The following PPP1R9A variants were observed in gnomAD, a reference collection of about 807,000 sequenced individuals.
PPP1R9A encodes protein phosphatase 1 regulatory subunit 9A.
In PPP1R9A, 59 loss-of-function variants were observed where a neutral mutation model predicts 141.9. That is an observed-to-expected ratio of 0.42 (90% CI 0.34 to 0.52). PPP1R9A has a LOEUF of 0.52. Among genes scored for constraint, PPP1R9A ranks in the 20% least tolerant of loss-of-function variants. The probability of loss-of-function intolerance (pLI) is 0.10; values close to 1 mark genes in which losing one functional copy is unlikely to be tolerated. For synonymous variants in PPP1R9A, 500 were observed against 569.7 expected (o/e 0.88, Z 1.74); for missense variants, 1,444 against 1,611.9 (o/e 0.90, Z 1.78).
At chr7:95,047,776 G>T (rs944244376) in intron 2 of PPP1R9A, among the ~76,000 whole-genome samples, 2 of 152,156 alleles carry the variant, frequency 1.3e-5, no homozygotes, top group African/African-American at 4.8e-5. Context: ...ATGTAAAGGG[G>T]ACACATTCTT....
At chr7:94,998,906 G>T (rs1802519646) in intron 2 of PPP1R9A, among the ~76,000 whole-genome samples, 1 of 152,062 alleles carries the variant, frequency 6.6e-6, no homozygotes, top group South Asian at 2.1e-4. Context: ...AGGGACTACA[G>T]ATATAAGCCA....
At chr7:94,930,789 A>G (rs1395835763) in intron 2 of PPP1R9A, among the ~76,000 whole-genome samples, 1 of 152,198 alleles carries the variant, frequency 6.6e-6, no homozygotes, top group Admixed American at 6.5e-5. Context: ...AGAGACTTGC[A>G]TTTATTTCTG....
intron 9 of PPP1R9A, among the ~76,000 whole-genome samples, chr7:95,249,283 A>G (rs746670179): frequency 1.6e-4 from 25 of 152,178 alleles, no homozygotes; most frequent in Non-Finnish European, 3.1e-4. Context: ...TGAGAAATTC[A>G]TTACACTACA....
intron 2 of PPP1R9A, among the ~76,000 whole-genome samples, chr7:95,001,755 T>G (rs976929675): frequency 5.3e-5 from 8 of 152,210 alleles, no homozygotes; most frequent in Non-Finnish European, 1.0e-4. Context: ...GGAGCCTACA[T>G]TAGAAGTTTT....
At chr7:94,963,415 T>C (rs1454364346) in intron 2 of PPP1R9A, among the ~76,000 whole-genome samples, 1 of 152,182 alleles carries the variant, frequency 6.6e-6, no homozygotes, top group East Asian at 1.9e-4. Context: ...GCAGAATTGG[T>C]CAGCCACAAT....
chr7:94,931,863 C>A (rs1006329218), intron 2 of PPP1R9A, among the ~76,000 whole-genome samples: 6 of 152,174 alleles, frequency 3.9e-5, no homozygotes, highest in African/African-American at 1.4e-4. Context: ...CAGGTGTGAG[C>A]CACCGTGCCC....
At chr7:95,075,351 A>AG (rs1282948612) in intron 2 of PPP1R9A, among the ~76,000 whole-genome samples, 1 of 152,066 alleles carries the variant, frequency 6.6e-6, no homozygotes, top group Non-Finnish European at 1.5e-5. Flanking sequence ...AATGTAGGGG[A>AG]GGAAAAAAAA....
At chr7:94,929,693 A>T (rs933364221) in intron 2 of PPP1R9A, among the ~76,000 whole-genome samples, 5 of 152,070 alleles carry the variant, frequency 3.3e-5, no homozygotes, top group African/African-American at 9.7e-5. Context: ...ATGGAAAGGC[A>T]TTTTTAGATT....
At chr7:95,259,738 A>T (rs1042946033) in intron 12 of PPP1R9A, among the ~76,000 whole-genome samples, 1 of 152,162 alleles carries the variant, frequency 6.6e-6, no homozygotes, top group African/African-American at 2.4e-5. Flanking sequence ...AATTTATTAG[A>T]TGGAAAGTCA....
At chr7:95,190,117 G>T (rs566072649) in intron 5 of PPP1R9A, among the ~76,000 whole-genome samples, 2 of 152,244 alleles carry the variant, frequency 1.3e-5, no homozygotes, top group African/African-American at 4.8e-5. Context: ...CACATTACCA[G>T]AATTACTTTT....
chr7:95,022,457 G>T (rs1191547702), intron 2 of PPP1R9A, among the ~76,000 whole-genome samples: 1 of 152,070 alleles, frequency 6.6e-6, no homozygotes, highest in Non-Finnish European at 1.5e-5. Context: ...ATTCCTATTT[G>T]AATATCCTTT....
At chr7:95,136,276 T>C (rs760294273) in intron 4 of PPP1R9A, among the ~76,000 whole-genome samples, 2 of 152,144 alleles carry the variant, frequency 1.3e-5, no homozygotes, top group Non-Finnish European at 2.9e-5. Flanking sequence ...TAATAACTTT[T>C]ATAAAGCAAT....
At chr7:95,214,063 G>A (rs1385608465) in intron 7 of PPP1R9A, 1 of 152,178 alleles carries the variant, frequency 6.6e-6, no homozygotes, top group Non-Finnish European at 1.5e-5. Flanking sequence ...CCCACTGCCT[G>A]TTTCCAAGCC....
At chr7:95,086,427 A>T (rs1816643391) in intron 2 of PPP1R9A, among the ~76,000 whole-genome samples, 2 of 152,048 alleles carry the variant, frequency 1.3e-5, no homozygotes, top group African/African-American at 4.8e-5. Context: ...ACACAAATAT[A>T]AATAAGTGTT....
At chr7:95,096,100 A>G (rs1002178142) in intron 2 of PPP1R9A, among the ~76,000 whole-genome samples, 1 of 152,206 alleles carries the variant, frequency 6.6e-6, no homozygotes, top group African/African-American at 2.4e-5. Context: ...ACTCTTACAG[A>G]TAGTGCTAAA....
chr7:94,947,840 G>A (rs1796057869), intron 2 of PPP1R9A, among the ~76,000 whole-genome samples: 1 of 152,136 alleles, frequency 6.6e-6, no homozygotes, highest in Admixed American at 6.6e-5. Context: ...AATAACAGGT[G>A]CAGGTCAAAA....
At chr7:95,023,658 A>G (rs1806351255) in intron 2 of PPP1R9A, among the ~76,000 whole-genome samples, 1 of 152,060 alleles carries the variant, frequency 6.6e-6, no homozygotes, top group Non-Finnish European at 1.5e-5. Context: ...GTTTCACGCC[A>G]TTCTCCTGCC....
intron 8 of PPP1R9A, among the ~76,000 whole-genome samples, chr7:95,246,084 C>G (rs997235001): frequency 1.3e-5 from 2 of 152,204 alleles, no homozygotes; most frequent in African/African-American, 4.8e-5. Context: ...TAGGAACCCT[C>G]AGGTTCTGGG....
chr7:95,068,473 G>GAAAAAAAA (rs36043693), intron 2 of PPP1R9A, among the ~76,000 whole-genome samples: 2 of 94,220 alleles, frequency 2.1e-5, no homozygotes, highest in African/African-American at 8.1e-5. Context: ...CTTGTCTCAA[G>GAAAAAAAA]AAAAAAAAAA....
Sources: gnomAD v4.1 joint callset for allele counts (sites outside exome capture counted in the v4.1 genomes callset) on GRCh38, gnomAD v4.1.1 for gene constraint, MANE v1.5 for transcripts, NCBI Gene and HGNC (gene_info 2026-07-23, HGNC 2026-07-21) for gene names.